Variants in CENPO observed in about 807,000 individuals in gnomAD.
CENPO encodes centromeric protein O.
Under a neutral mutation model 36.1 loss-of-function variants are expected in CENPO, and 30 were observed. The ratio of observed to expected loss-of-function variants is 0.83; its 90% CI spans 0.62 to 1.13. The LOEUF is 1.13. Ranked by LOEUF, CENPO falls within the 50% of genes most tolerant of loss-of-function variation. The probability of loss-of-function intolerance (pLI) is 0.00; values close to 1 mark genes in which losing one functional copy is unlikely to be tolerated. For missense variants in CENPO, 349 were observed against 357.8 expected (o/e 0.98, Z 0.20); for synonymous variants, 171 against 142.3 (o/e 1.20, Z -1.44).
chr2:24,822,318 T>C lies in CENPO; in HGVS notation c.*3000T>C. 1 of 728,816 alleles carries C rather than the reference T, an allele frequency of 1.4e-6. No homozygotes were observed. The highest frequency in any genetic ancestry group is 1.8e-5 in the South Asian group (1 of 54,240). 45.1% of individuals were successfully genotyped at this position (728,816 alleles called of 1,614,324 possible). A position where few individuals can be genotyped will look rare whatever the true frequency, so the allele number is the denominator to read the frequency against. On this transcript the variant is annotated 3_prime_UTR_variant, in exon 8 of 8. Coordinates refer to ENST00000380834, the MANE Select transcript of CENPO (RefSeq NM_001322101.2). The stretch of plus-strand genomic sequence containing the variant: ...GAGCTGTGAACAGCAGGGGGTTGTG[T>C]GTCTGTTCTGTTTCTCTGCTTGCCG...
chr2:24,815,757 G>GT lies in CENPO; in HGVS notation c.594+2dup, dbSNP rs1558381454. On this transcript the variant is annotated splice_donor_variant, in intron 5 of 7. Transcript: ENST00000380834. LOFTEE classifies it high-confidence loss of function. ...GAAGTACCAGGCAGACCGGCTTCAG[G>GT]TATCTCTCTGGGATGTTATATGCCT... The GT allele has an allele frequency of 2.5e-6, 4 of 1,614,006 alleles. No individual in the cohort carries two copies. The highest frequency in any genetic ancestry group is 3.4e-6 in the Non-Finnish European group (4 of 1,179,922).
At chr2:24,802,082 T>C (rs1666186934) in intron 3 of CENPO, among the ~76,000 whole-genome samples, 1 of 152,238 alleles carries the variant, frequency 6.6e-6, no homozygotes, top group Admixed American at 6.5e-5. Flanking sequence ...TTATTCTCTT[T>C]GTAGCAATTG....
chr2:24,811,364 C>T (rs1410717876), intron 3 of CENPO, among the ~76,000 whole-genome samples: 3 of 146,086 alleles, frequency 2.1e-5, no homozygotes, highest in Non-Finnish European at 4.5e-5. Context: ...TCACTGCAAC[C>T]TCCGCCTCCT....
rs774751355 is a variant in CENPO at position 24,814,404 on chromosome 2, C to G, written c.245C>G (p.Pro82Arg). ...AAAGCATGTATTGCCAATGTAGAAC[C>G]CAACCAAACAGTGGAGATCAATGAG... Reference protein sequence around the residue: ...SVKACIANVEPNQTVEINEQE... With the variant: ...SVKACIANVERNQTVEINEQE... The change falls in exon 4 of 8, where the codon CCC becomes CGC. Residue 82 changes from proline to arginine, a missense_variant. Physicochemically the swap from Pro to Arg is moderately radical, Grantham distance 103. Transcript: ENST00000380834. 1 of 1,600,386 alleles carries G rather than the reference C, an allele frequency of 6.2e-7. No individual in the cohort carries two copies. Among genetic ancestry groups the G allele is most frequent in the Admixed American group, 1.7e-5 (1 of 59,974 alleles).
chr2:24,817,510 G>T, intron 6 of CENPO, among the ~76,000 whole-genome samples, 160 bp from the exon 7 acceptor site: 2 of 143,958 alleles, frequency 1.4e-5, no homozygotes, highest in Non-Finnish European at 3.0e-5. Context: ...GAATATCAGT[G>T]ATCCAGGTTC....
chr2:24,813,744 G>T (rs892189118), intron 3 of CENPO, among the ~76,000 whole-genome samples: 1 of 152,138 alleles, frequency 6.6e-6, no homozygotes, highest in African/African-American at 2.4e-5. Context: ...GCCTTTCTAT[G>T]TGGCCCAGTG....
Position 24,793,901 on chromosome 2 carries a change from AGGCCCTTGGG to A in CENPO, c.-18_-9del. 8 of 1,614,200 alleles carry A rather than the reference AGGCCCTTGGG, an allele frequency of 5.0e-6. No homozygotes were observed. The highest frequency in any genetic ancestry group is 6.8e-6 in the Non-Finnish European group (8 of 1,180,024). ...CGGTTGCCTAGACAACTTCATGGGAAGGCCCTTGGGAATCTGAGATGGAGCAGGCGAACCC... is the reference window on the plus strand; with the variant it reads ...CGGTTGCCTAGACAACTTCATGGGAAAATCTGAGATGGAGCAGGCGAACCC... On this transcript the variant is annotated 5_prime_UTR_variant, in exon 2 of 8. The change abolishes the stop of an existing upstream ORF in the 5' untranslated region. Transcript: ENST00000380834.
rs191188377 is a variant in CENPO at position 24,820,150 on chromosome 2, G to A, written c.*832G>A. The A allele has an allele frequency of 1.1e-4, 163 of 1,505,798 alleles. No homozygotes were observed. In the African/African-American group the frequency reaches 1.2e-3, roughly 12 times the overall value. The allele number at this position is 1,505,798 out of a possible 1,614,324, so 93.3% of individuals were successfully genotyped here. On this transcript the variant is annotated 3_prime_UTR_variant, in exon 8 of 8. Transcript: ENST00000380834. ...AGGGGGAGCAAGAACGTGGCGTTAC[G>A]GGGGGAGCCTAGACTGAGGGCGGGT... is the stretch of plus-strand genomic sequence containing the variant.
chr2:24,806,559 G>C (rs1353709911), intron 3 of CENPO, among the ~76,000 whole-genome samples: 1 of 152,138 alleles, frequency 6.6e-6, no homozygotes, highest in African/African-American at 2.4e-5. Flanking sequence ...ACCTAAGTTT[G>C]TTACCTCAAT....
chr2:24,803,083 C>T (rs1666228747), intron 3 of CENPO, among the ~76,000 whole-genome samples: 1 of 152,096 alleles, frequency 6.6e-6, no homozygotes, highest in Non-Finnish European at 1.5e-5. Flanking sequence ...AGGAATTTAT[C>T]CATTTCTTCT....
At chr2:24,795,386 C>CT (rs1206325808) in intron 2 of CENPO, among the ~76,000 whole-genome samples, 1 of 152,128 alleles carries the variant, frequency 6.6e-6, no homozygotes, top group Non-Finnish European at 1.5e-5. Flanking sequence ...GGGATTTTGA[C>CT]TTTTTTTGGG....
chr2:24,821,054 C>CT lies in CENPO; in HGVS notation c.*1736_*1737insT, dbSNP rs372861677. On this transcript the variant is annotated 3_prime_UTR_variant, in exon 8 of 8. Transcript: ENST00000380834. ...TGTTAGGTGTCAGCCGCCACCCCCC[C>CT]CCCATATGCAGATTTACTCGGCATG... The CT allele has an allele frequency of 4.6e-6, 3 of 654,230 alleles. No individual in the cohort carries two copies. Among genetic ancestry groups the CT allele is most frequent in the African/African-American group, 3.7e-5 (2 of 54,112 alleles). 40.5% of individuals were successfully genotyped at this position (654,230 alleles called of 1,614,324 possible).
At chr2:24,814,802 GT>G (rs2148287904) in intron 4 of CENPO, 2 of 260,226 alleles carry the variant, frequency 7.7e-6, no homozygotes, top group South Asian at 1.8e-4. Context: ...CTGCTGGCTT[GT>G]TTTCTGCCAC....
At position 24,798,098 on chromosome 2, in the gene CENPO, C is replaced by T. The variant is rs529901823; in HGVS notation, c.47-1577C>T. 3.3e-5 allele frequency among the ~76,000 whole-genome samples: 5 copies of T among 152,210 alleles called. No homozygotes were observed. In the South Asian group the frequency reaches 8.3e-4, roughly 25 times the overall value. On this transcript the variant is annotated intron_variant, in intron 2 of 7. Transcript: ENST00000380834. ...AAGTGTAATGCAAATACTCCCAATT[C>T]CGAAATCTGAAACACCTCTAGTCCC...
At chr2:24,799,921 A>C in intron 3 of CENPO, 77 bp downstream of exon 3, 1 of 1,448,994 alleles carries the variant, frequency 6.9e-7, no homozygotes, top group Non-Finnish European at 9.6e-7. Flanking sequence ...TGAATTGGCC[A>C]TTTTTTATAA....
Position 24,793,946 on chromosome 2 carries a change from A to G in CENPO, c.27A>G (p.Pro9=), listed in dbSNP as rs771038493. The change falls in exon 2 of 8, where the codon CCA becomes CCG. Residue 9 remains proline (P), a synonymous_variant. Transcript: ENST00000380834. MEQANPLR[P]DGESKGGVLA... ...TGGAGCAGGCGAACCCTTTACGTCC[A>G]GATGGCGAGTCCAAAGGAGGTATTC... 8.1e-6 allele frequency: 13 copies of G among 1,614,040 alleles called. No individual in the cohort carries two copies. In the African/African-American group the frequency reaches 1.1e-4, roughly 13 times the overall value.
Position 24,821,071 on chromosome 2 carries a change from C to G in CENPO, c.*1753C>G. The G allele has an allele frequency of 3.3e-6, 2 of 602,840 alleles. No homozygotes were observed. The highest frequency in any genetic ancestry group is 2.8e-6 in the Non-Finnish European group (1 of 358,460). 37.3% of individuals were successfully genotyped at this position (602,840 alleles called of 1,614,324 possible). The stretch of plus-strand genomic sequence containing the variant: ...CACCCCCCCCCCATATGCAGATTTA[C>G]TCGGCATGGTAGTGGCCAGCTTCTA... On this transcript the variant is annotated 3_prime_UTR_variant, in exon 8 of 8. Transcript: ENST00000380834.
rs1266846986 is a variant in CENPO at position 24,821,396 on chromosome 2, C to T, written c.*2078C>T. 21 of 1,424,054 alleles carry T rather than the reference C, an allele frequency of 1.5e-5. No homozygotes were observed. In the East Asian group the frequency reaches 2.1e-4, roughly 14 times the overall value. 88.2% of individuals were successfully genotyped at this position (1,424,054 alleles called of 1,614,324 possible). A position where few individuals can be genotyped will look rare whatever the true frequency, so the allele number is the denominator to read the frequency against. ...TTCAGGTCTCCTTGCCCTGTGAGTG[C>T]GTGAACCTCCCCACCCGAATTGCCT... is the stretch of plus-strand genomic sequence containing the variant. On this transcript the variant is annotated 3_prime_UTR_variant, in exon 8 of 8. Coordinates refer to ENST00000380834, the MANE Select transcript of CENPO (RefSeq NM_001322101.2).
At chr2:24,814,637 CACAG>C in intron 4 of CENPO, 144 bp downstream of exon 4, 9 of 616,480 alleles carry the variant, frequency 1.5e-5, no homozygotes, top group South Asian at 1.5e-4. Context: ...CACACACACA[CACAG>C]ACACACACAC....
Sources: allele counts gnomAD v4.1 joint callset (sites outside exome capture counted in the v4.1 genomes callset), GRCh38; gene constraint gnomAD v4.1.1; transcripts MANE v1.5; gene names NCBI Gene and HGNC (gene_info 2026-07-23, HGNC 2026-07-21).